TEX15: variants seen among roughly 807,000 people sequenced by gnomAD.
TEX15 encodes the protein testis expressed 15, meiosis and synapsis associated.
A neutral mutation model predicts 237.3 loss-of-function variants in TEX15; 171 were observed. That is an observed-to-expected ratio of 0.72 (90% CI 0.64 to 0.82). The LOEUF is 0.82. Among genes scored for constraint, TEX15 ranks in the 40% least tolerant of loss-of-function variants. TEX15 has a pLI of 0.00. For missense variants in TEX15, 3,750 were observed against 3,646.5 expected, an observed-to-expected ratio of 1.03 and a Z score of -0.73; for synonymous variants, 1,338 against 1,269.8, an observed-to-expected ratio of 1.05 and a Z score of -1.14.
intron 4 of TEX15, among the ~76,000 whole-genome samples, chr8:30,874,639 T>C (rs979386662): frequency 1.3e-5 from 2 of 152,128 alleles, no homozygotes; most frequent in African/African-American, 4.8e-5. Context: ...CTAGGAGGTG[T>C]GAGGGATCTA....
chr8:30,881,174 T>C (rs1190188237), intron 3 of TEX15, among the ~76,000 whole-genome samples: 4 of 152,216 alleles, frequency 2.6e-5, no homozygotes, highest in African/African-American at 9.7e-5. Flanking sequence ...GATATCTGCA[T>C]CAATTATCAC....
At chr8:30,884,988 G>A (rs2128775599) in intron 3 of TEX15, among the ~76,000 whole-genome samples, 1 of 152,068 alleles carries the variant, frequency 6.6e-6, no homozygotes, top group East Asian at 1.9e-4. Flanking sequence ...TCTAAGTACT[G>A]CTTTTGCTTT....
chr8:30,902,735 C>G (rs1809031285), intron 1 of TEX15, among the ~76,000 whole-genome samples: 1 of 152,152 alleles, frequency 6.6e-6, no homozygotes, highest in Admixed American at 6.5e-5. Context: ...ATTACTGGGT[C>G]CCACCTCCAG....
intron 5 of TEX15, among the ~76,000 whole-genome samples, chr8:30,860,565 T>A (rs1162508071): frequency 1.4e-5 from 2 of 140,748 alleles, no homozygotes; most frequent in Non-Finnish European, 3.1e-5. Flanking sequence ...AGAATCTACT[T>A]TTTTTTTTTT....
chr8:30,871,859 G>T (rs1267406203), intron 4 of TEX15, among the ~76,000 whole-genome samples: 1 of 152,104 alleles, frequency 6.6e-6, no homozygotes, highest in African/African-American at 2.4e-5. Flanking sequence ...TCCTTTAGGT[G>T]ACTTACGGCT....
intron 7 of TEX15, among the ~76,000 whole-genome samples, chr8:30,854,656 T>G (rs1807868410): frequency 6.6e-6 from 1 of 152,014 alleles, no homozygotes; most frequent in African/African-American, 2.4e-5. Context: ...TGGAACAATA[T>G]TAACCTACCA....
Position 30,846,547 on chromosome 8 carries a change from G to C in TEX15, c.3620C>G (p.Ser1207Cys), listed in dbSNP as rs1195685477. 2 of 1,613,678 alleles carry C rather than the reference G, an allele frequency of 1.2e-6. No individual in the cohort carries two copies. Among genetic ancestry groups the C allele is most frequent in the Non-Finnish European group, 8.5e-7 (1 of 1,179,726 alleles). The change falls in exon 8 of 11, where the codon TCC becomes TGC. Residue 1207 changes from serine (S) to cysteine (C), a missense_variant. By Grantham distance (112) the Ser-to-Cys change is moderately radical. Transcript: ENST00000643185. ...DGEILGFDIY[S>C]QPFGENADYP... is the part of the protein sequence containing the mutation. ...ATCTGCATTTTCACCAAAAGGCTGG[G>C]AATAAATGTCAAATCCTAGAATTTC...
chr8:30,905,310 C>T (rs1344946230), intron 1 of TEX15, among the ~76,000 whole-genome samples: 1 of 151,412 alleles, frequency 6.6e-6, no homozygotes, highest in Non-Finnish European at 1.5e-5. Context: ...ATTATTGAGT[C>T]CCCAGGAGAA....
chr8:30,911,930 G>A (rs986470253), intron 1 of TEX15, among the ~76,000 whole-genome samples: 3 of 152,190 alleles, frequency 2.0e-5, no homozygotes, highest in South Asian at 2.1e-4. Context: ...GCCGGGACCC[G>A]AGGGGTTTCA....
chr8:30,881,874 C>T (rs12675336), intron 3 of TEX15, among the ~76,000 whole-genome samples: 5 of 152,070 alleles, frequency 3.3e-5, no homozygotes, highest in Admixed American at 2.0e-4. Context: ...CCACCTGCCT[C>T]GGCCTCCCAA....
chr8:30,865,420 A>G (rs1032872277), intron 5 of TEX15, among the ~76,000 whole-genome samples: 1 of 152,198 alleles, frequency 6.6e-6, no homozygotes, highest in Admixed American at 6.5e-5. Context: ...AACTATTCAA[A>G]AAAATTGAAG....
At position 30,844,439 on chromosome 8, in the gene TEX15, G is replaced by C. The variant is rs747190179; in HGVS notation, c.5728C>G (p.Pro1910Ala). Reference sequence around the variant, plus strand: ...GGATTAGAAACTGTGTTCTTCAAAGGGACTGACTCAGTGGTAGTATTTTTA... The same window carrying C: ...GGATTAGAAACTGTGTTCTTCAAAGCGACTGACTCAGTGGTAGTATTTTTA... ...STKNTTTESV[P>A]LKNTVSNPLN... The change falls in exon 8 of 11, where the codon CCT becomes GCT. Residue 1910 changes from proline (P) to alanine (A), a missense_variant. Transcript: ENST00000643185. The C allele has an allele frequency of 8.1e-6, 13 of 1,612,528 alleles. No homozygotes were observed. Among genetic ancestry groups the C allele is most frequent in the Non-Finnish European group, 1.0e-5 (12 of 1,179,398 alleles).
chr8:30,864,293 A>G (rs1388859232), intron 5 of TEX15, among the ~76,000 whole-genome samples: 2 of 151,730 alleles, frequency 1.3e-5, no homozygotes, highest in African/African-American at 4.8e-5. Context: ...ACTAAAAAAA[A>G]AAAAAAAGTG....
In TEX15 at chr8:30,832,584, TGCATAA is replaced by T. The variant is rs1807204857; in HGVS notation, c.*696_*701del. On this transcript the variant is annotated 3_prime_UTR_variant, in exon 11 of 11. Transcript: ENST00000643185. ...TTAAATTACTGTAATAAAGACTAACTGCATAAGCATAAACATTATTCTCTATTATTT... is the reference window on the plus strand; with the variant it reads ...TTAAATTACTGTAATAAAGACTAACTGCATAAACATTATTCTCTATTATTT... 6.6e-6 allele frequency: 1 copy of T among 152,204 alleles called. No individual in the cohort carries two copies. 9.4% of individuals were successfully genotyped at this position (152,204 alleles called of 1,614,324 possible). A position where few individuals can be genotyped will look rare whatever the true frequency, so the allele number is the denominator to read the frequency against.
rs1164594718 is a variant in TEX15, at chr8:30,881,610, C to CTTTTTTTTTTTTTTT, written c.136+5556_136+5557insAAAAAAAAAAAAAAA. ...TTCATTAATTATCCTTCCATCTTGA[C>CTTTTTTTTTTTTTTT]TTTTTATTTTTTTTTATTATTTTTT... On this transcript the variant is annotated intron_variant, in intron 3 of 10. Coordinates refer to ENST00000643185, the MANE Select transcript of TEX15 (RefSeq NM_001350162.2). Among the ~76,000 whole-genome samples the CTTTTTTTTTTTTTTT allele has an allele frequency of 3.7e-4, 41 of 109,458 alleles. 10 individuals carry two copies. Among genetic ancestry groups the CTTTTTTTTTTTTTTT allele is most frequent in the African/African-American group, 1.4e-3 (21 of 15,420 alleles). 71.8% of individuals were successfully genotyped at this position (109,458 alleles called of 152,430 possible).
intron 2 of TEX15, among the ~76,000 whole-genome samples, chr8:30,894,246 A>G (rs949529923): frequency 2.0e-5 from 3 of 152,122 alleles, no homozygotes; most frequent in Non-Finnish European, 2.9e-5. Flanking sequence ...GCTTGAGCCT[A>G]TGAGTTCAAA....
Position 30,844,396 on chromosome 8 carries a change from TTCTC to T in TEX15, c.5767_5770del (p.Glu1923ArgfsTer15), listed in dbSNP as rs1284803072. On this transcript the variant is annotated frameshift_variant, in exon 8 of 11. Coordinates refer to ENST00000643185, the MANE Select transcript of TEX15 (RefSeq NM_001350162.2). LOFTEE classifies it high-confidence loss of function. ...TTTACTAACTTTAATTTCCCCCTTCTTCTCTCTTTTGTTAAGCGGATTAGAAACT... is the reference window on the plus strand; with the variant it reads ...TTTACTAACTTTAATTTCCCCCTTCTTCTTTTGTTAAGCGGATTAGAAACT... 1 of 1,610,556 alleles carries T rather than the reference TTCTC, an allele frequency of 6.2e-7. No individual in the cohort carries two copies. Among genetic ancestry groups the T allele is most frequent in the Non-Finnish European group, 8.5e-7 (1 of 1,178,724 alleles).
At chr8:30,888,513 C>A (rs1367075474) in intron 2 of TEX15, 3 of 754,344 alleles carry the variant, frequency 4.0e-6, no homozygotes, top group Non-Finnish European at 5.8e-6. Flanking sequence ...AACTCCCCTG[C>A]AACCTCCATC....
intron 1 of TEX15, among the ~76,000 whole-genome samples, chr8:30,907,734 T>C (rs951656874): frequency 7.2e-6 from 1 of 138,434 alleles, no homozygotes; most frequent in African/African-American, 2.6e-5. Flanking sequence ...ATATATAAAT[T>C]AGATATAAAA....
Sources: gnomAD v4.1 joint callset for allele counts (sites outside exome capture counted in the v4.1 genomes callset) on GRCh38, gnomAD v4.1.1 for gene constraint, MANE v1.5 for transcripts, NCBI Gene and HGNC (gene_info 2026-07-23, HGNC 2026-07-21) for gene names.